Variants in ARHGAP21 observed in about 807,000 individuals in gnomAD.
The protein encoded by ARHGAP21 is Rho GTPase activating protein 21.
In ARHGAP21, 38 loss-of-function variants were observed where a neutral mutation model predicts 164.6. That is an observed-to-expected ratio of 0.23 (90% CI 0.18 to 0.30). The LOEUF (loss-of-function observed/expected upper bound fraction) is 0.30, where lower values mean the gene tolerates loss of function less well. ARHGAP21 is among the 10% of genes least tolerant of loss of function. The pLI, the probability that ARHGAP21 is intolerant of heterozygous loss-of-function variation, is 1.00. For synonymous variants in ARHGAP21, 766 were observed against 857.9 expected (o/e 0.89, Z 1.87); for missense variants, 1,822 against 2,370.7 (o/e 0.77, Z 4.81).
chr10:24,624,115 A>G (rs1468488569), intron 7 of ARHGAP21, among the ~76,000 whole-genome samples: 3 of 152,166 alleles, frequency 2.0e-5, no homozygotes, highest in African/African-American at 7.2e-5. Context: ...CCTGAAATCC[A>G]TACAAATGCA....
In ARHGAP21 at chr10:24,620,093, G is replaced by C; in HGVS notation, c.1802C>G (p.Thr601Ser). The change falls in exon 9 of 26, where the codon ACT (threonine) becomes AGT (serine). Residue 601 changes from threonine (T) to serine (S), a missense_variant. Physicochemically the swap from Thr to Ser is moderately conservative, Grantham distance 58 (BLOSUM62 1). Coordinates refer to ENST00000396432, the MANE Select transcript of ARHGAP21 (RefSeq NM_020824.4). Reference sequence around the variant, plus strand: ...CCGAGGCAGTGACATTCCACAAGTAGTCTGAAAATTTCTGTTTGACTGCAA... The same window carrying C: ...CCGAGGCAGTGACATTCCACAAGTACTCTGAAAATTTCTGTTTGACTGCAA... The part of the protein sequence containing the change: ...KTLQSNRNFQ[T>S]TCGMSLPRGI... 2 of 1,613,960 alleles carry C rather than the reference G, an allele frequency of 1.2e-6. No individual in the cohort carries two copies. Among genetic ancestry groups the C allele is most frequent in the Non-Finnish European group, 1.7e-6 (2 of 1,179,872 alleles).
intron 9 of ARHGAP21, among the ~76,000 whole-genome samples, chr10:24,617,229 A>G (rs1233891778): frequency 1.3e-5 from 2 of 152,150 alleles, no homozygotes; most frequent in Admixed American, 1.3e-4. Context: ...TAATAACATA[A>G]TTGTTTTATT....
At chr10:24,657,603 T>C (rs1244120542) in intron 4 of ARHGAP21, among the ~76,000 whole-genome samples, 1 of 129,142 alleles carries the variant, frequency 7.7e-6, no homozygotes, top group African/African-American at 3.1e-5. Flanking sequence ...CTTTGTGGAA[T>C]AGAAAGGCGG....
chr10:24,721,740 C>T, intron 2 of ARHGAP21, 97 bp downstream of exon 2: 2 of 1,415,218 alleles, frequency 1.4e-6, no homozygotes, highest in East Asian at 2.4e-5. Context: ...CCCGGGAAGC[C>T]CCTAGTGAGG....
chr10:24,591,552 A>G (rs1461703149), intron 23 of ARHGAP21, 90 bp downstream of exon 23: 2 of 1,505,934 alleles, frequency 1.3e-6, no homozygotes, highest in African/African-American at 1.4e-5. Context: ...AGCGGACAAT[A>G]GCAAAGCAGG....
At chr10:24,586,699 GTAAA>G (rs1035977078) in intron 25 of ARHGAP21, among the ~76,000 whole-genome samples, 2 of 152,190 alleles carry the variant, frequency 1.3e-5, no homozygotes, top group African/African-American at 4.8e-5. Flanking sequence ...TCTGCCTTAA[GTAAA>G]TCAGGTTGGT....
chr10:24,610,133 T>C (rs1593010934), intron 9 of ARHGAP21, among the ~76,000 whole-genome samples: 1 of 152,148 alleles, frequency 6.6e-6, no homozygotes, highest in Non-Finnish European at 1.5e-5. Context: ...TCTCAGCACT[T>C]TGGGAGGCCA....
intron 25 of ARHGAP21, among the ~76,000 whole-genome samples, chr10:24,588,750 ATTAT>A (rs2076210438): frequency 3.3e-5 from 5 of 152,212 alleles, no homozygotes; most frequent in Admixed American, 3.3e-4. Context: ...GTGTAAAAAT[ATTAT>A]TTAAAAAATT....
Position 24,607,576 on chromosome 10 carries a change from A to G in ARHGAP21, c.2607T>C (p.Asp869=). ...TTTCTGTCTTTGAGTTGGGCTGAGC[A>G]TCCAGGCTAGGAGGGCCAACAGATT... The part of the protein sequence containing the change: ...DHESVGPPSL[D]AQPNSKTERS... The change falls in exon 11 of 26, where the codon GAT becomes GAC. Residue 869 remains aspartate (D), a synonymous_variant. Coordinates refer to ENST00000396432, the MANE Select transcript of ARHGAP21 (RefSeq NM_020824.4). The G allele has an allele frequency of 1.2e-6, 2 of 1,614,184 alleles. No homozygotes were observed. The highest frequency in any genetic ancestry group is 1.7e-6 in the Non-Finnish European group (2 of 1,180,036).
At chr10:24,607,980 T>C (rs2077102221) in intron 9 of ARHGAP21, 77 bp from the exon 10 acceptor site, 2 of 1,376,936 alleles carry the variant, frequency 1.5e-6, no homozygotes, top group South Asian at 1.6e-5. Context: ...ATAATCATTA[T>C]TAAGGGGGTC....
At chr10:24,684,736 T>C (rs1164903238) in intron 2 of ARHGAP21, among the ~76,000 whole-genome samples, 1 of 152,202 alleles carries the variant, frequency 6.6e-6, no homozygotes, top group Non-Finnish European at 1.5e-5. Flanking sequence ...CCTCCTGGGT[T>C]CAAGCAATTC....
intron 21 of ARHGAP21, among the ~76,000 whole-genome samples, chr10:24,594,664 T>G (rs1282072175): frequency 6.6e-6 from 1 of 152,190 alleles, no homozygotes; most frequent in African/African-American, 2.4e-5. Flanking sequence ...ATATGTTACC[T>G]CTTCAAAATA....
At chr10:24,658,014 C>T (rs950589358) in intron 4 of ARHGAP21, among the ~76,000 whole-genome samples, 3 of 123,818 alleles carry the variant, frequency 2.4e-5, no homozygotes, top group African/African-American at 9.6e-5. Context: ...CCTGCCAAAT[C>T]CCCCTCTGTG....
chr10:24,622,787 T>C (rs371004386), intron 7 of ARHGAP21, 25 bp from the exon 8 acceptor site: 176 of 1,605,934 alleles, frequency 1.1e-4, no homozygotes, highest in Non-Finnish European at 1.5e-4. Flanking sequence ...GAAAACATAG[T>C]AGAAGCTGCT....
intron 3 of ARHGAP21, among the ~76,000 whole-genome samples, chr10:24,667,652 A>G (rs1840324061): frequency 1.3e-5 from 2 of 152,138 alleles, no homozygotes; most frequent in African/African-American, 4.8e-5. Flanking sequence ...CTGAGCCTCT[A>G]CCATACTGGA....
chr10:24,621,776 A>T (rs1284897112), intron 8 of ARHGAP21, among the ~76,000 whole-genome samples: 1 of 152,202 alleles, frequency 6.6e-6, no homozygotes, highest in East Asian at 1.9e-4. Flanking sequence ...AAAGGTGAAA[A>T]TATTAAAAAT....
intron 4 of ARHGAP21, among the ~76,000 whole-genome samples, chr10:24,658,769 T>A (rs146794510): frequency 6.6e-6 from 1 of 151,256 alleles, no homozygotes; most frequent in South Asian, 2.1e-4. Flanking sequence ...ATGGCACATG[T>A]ATACATATGT....
intron 17 of ARHGAP21, 28 bp downstream of exon 17, chr10:24,596,712 G>A: frequency 6.2e-7 from 1 of 1,613,140 alleles, no homozygotes; most frequent in Non-Finnish European, 8.5e-7. Flanking sequence ...AATGACTTGA[G>A]GAAATCCGGT....
chr10:24,670,936 C>T (rs1322650620), intron 2 of ARHGAP21, among the ~76,000 whole-genome samples: 1 of 152,142 alleles, frequency 6.6e-6, no homozygotes, highest in African/African-American at 2.4e-5. Context: ...TCCTCTCCTC[C>T]ACTCTCAGCT....
Sources: gnomAD v4.1 joint callset for allele counts (sites outside exome capture counted in the v4.1 genomes callset) on GRCh38, gnomAD v4.1.1 for gene constraint, MANE v1.5 for transcripts, NCBI Gene and HGNC (gene_info 2026-07-23, HGNC 2026-07-21) for gene names.